Variants in SMOC2 observed in about 807,000 individuals in gnomAD.
SMOC2 encodes SPARC related modular calcium binding 2.
In SMOC2, 39 loss-of-function variants were observed where a neutral mutation model predicts 61.4. The observed-to-expected ratio is 0.64, with a 90% CI of 0.49 to 0.83. SMOC2 has a LOEUF of 0.83. SMOC2 is among the 40% of genes least tolerant of loss of function. The probability of loss-of-function intolerance (pLI) is 0.00; values close to 1 mark genes in which losing one functional copy is unlikely to be tolerated. For synonymous variants in SMOC2, 247 were observed against 239.9 expected (o/e 1.03, Z -0.27); for missense variants, 556 against 592.9 (o/e 0.94, Z 0.65).
intron 7 of SMOC2, among the ~76,000 whole-genome samples, chr6:168,595,178 C>T (rs1785290799): frequency 7.3e-6 from 1 of 137,838 alleles, no homozygotes; most frequent in Non-Finnish European, 1.6e-5. Context: ...AGCTCCTCCT[C>T]CTTCCTGAGG....
chr6:168,470,818 A>G (rs967442010), intron 1 of SMOC2, among the ~76,000 whole-genome samples: 4 of 152,326 alleles, frequency 2.6e-5, no homozygotes, highest in Admixed American at 2.6e-4. Context: ...TGGAATAGAA[A>G]TTTGTTTCTT....
chr6:168,452,664 A>G lies in SMOC2; in HGVS notation c.84+11210A>G, dbSNP rs1290455640. Among the ~76,000 whole-genome samples, 2 of 152,218 alleles carry G rather than the reference A, an allele frequency of 1.3e-5. No homozygotes were observed. The highest frequency in any genetic ancestry group is 2.9e-5 in the Non-Finnish European group (2 of 68,030). ...GCATTTTTTTGTACCCCAAAATCTG[A>G]AGGAAATTTTGAAAAATCATTAGCA... On this transcript the variant is annotated intron_variant, in intron 1 of 12. Coordinates refer to ENST00000356284, the MANE Select transcript of SMOC2 (RefSeq NM_001166412.2). This position sits in a 1 kb window ranked among gnomAD's most constrained non-coding sequence, Gnocchi z 5.0.
chr6:168,548,351 C>CTTTTT (rs758386557), intron 6 of SMOC2, among the ~76,000 whole-genome samples: 1 of 127,174 alleles, frequency 7.9e-6, no homozygotes, highest in African/African-American at 3.1e-5. Flanking sequence ...CACTACATTC[C>CTTTTT]TTTTTTTTTT....
intron 1 of SMOC2, among the ~76,000 whole-genome samples, chr6:168,467,284 G>A (rs1402094402): frequency 6.6e-6 from 1 of 150,552 alleles, no homozygotes; most frequent in Non-Finnish European, 1.5e-5. Flanking sequence ...ACACTTGGGG[G>A]ACATGCACCA....
intron 6 of SMOC2, among the ~76,000 whole-genome samples, chr6:168,548,623 C>T (rs1784062638): frequency 6.6e-6 from 1 of 151,974 alleles, no homozygotes; most frequent in South Asian, 2.1e-4. Flanking sequence ...GCCTTGGCCT[C>T]CCAAAGCGCT....
chr6:168,609,903 T>C (rs966175015), intron 9 of SMOC2, among the ~76,000 whole-genome samples: 1 of 152,224 alleles, frequency 6.6e-6, no homozygotes, highest in Non-Finnish European at 1.5e-5. Flanking sequence ...GTGCAATTTA[T>C]GGAAGTCAGT....
chr6:168,491,211 C>T (rs1159204008), intron 1 of SMOC2, among the ~76,000 whole-genome samples: 1 of 152,162 alleles, frequency 6.6e-6, no homozygotes, highest in Non-Finnish European at 1.5e-5. Flanking sequence ...TGATCTTGGT[C>T]TTGTGGAAGC....
Position 168,608,215 on chromosome 6 carries a change from C to G in SMOC2, c.883C>G (p.Leu295Val), listed in dbSNP as rs750071592. The stretch of plus-strand genomic sequence containing the variant: ...GGCCCACCCAGCCAAAGCCCGGGAC[C>G]TGTACAAGGGCCGCCAGCTACAAGG... The part of the protein sequence containing the change: ...ARAHPAKARD[L>V]YKGRQLQGCP... The change falls in exon 9 of 13, where the codon CTG becomes GTG. Residue 295 changes from leucine to valine, a missense_variant. Physicochemically the swap from Leu to Val is conservative, Grantham distance 32. Transcript: ENST00000356284. The G allele has an allele frequency of 5.6e-6, 9 of 1,613,346 alleles. No homozygotes were observed. Among genetic ancestry groups the G allele is most frequent in the Non-Finnish European group, 7.6e-6 (9 of 1,179,768 alleles).
chr6:168,612,219 G>T (rs1023509766), intron 9 of SMOC2, among the ~76,000 whole-genome samples: 1 of 148,706 alleles, frequency 6.7e-6, no homozygotes, highest in African/African-American at 2.5e-5. Context: ...TCTCCATCGG[G>T]GAGAGGGTGA....
rs767260073 is a variant in SMOC2 at position 168,664,105 on chromosome 6, T to C, written c.1317T>C (p.Asn439=). 3.7e-6 allele frequency: 6 copies of C among 1,603,562 alleles called. No homozygotes were observed. The highest frequency in any genetic ancestry group is 1.1e-5 in the South Asian group (1 of 90,620). The change falls in exon 12 of 13, where the codon AAT becomes AAC. Residue 439 remains asparagine (N), a synonymous_variant. Coordinates refer to ENST00000356284, the MANE Select transcript of SMOC2 (RefSeq NM_001166412.2). ...GAGGTCATGCTGAAAGTACGTCTAA[T>C]AGACAGGTAAGTATGTTTATATTTT... The part of the protein sequence containing the change: ...TPRGHAESTS[N]RQPRKQG
chr6:168,547,298 A>G (rs1396989753), intron 6 of SMOC2, 129 bp downstream of exon 6: 5 of 732,508 alleles, frequency 6.8e-6, no homozygotes, highest in Non-Finnish European at 1.2e-5. Flanking sequence ...CCAGACACAG[A>G]CAGAAAAGAC....
At chr6:168,640,189 G>A (rs1396894159) in intron 9 of SMOC2, among the ~76,000 whole-genome samples, 1 of 139,080 alleles carries the variant, frequency 7.2e-6, no homozygotes, top group East Asian at 1.9e-4. Context: ...TGGTGTTGGT[G>A]TTGGTGTTGG....
At chr6:168,489,645 A>G (rs1239871685) in intron 1 of SMOC2, among the ~76,000 whole-genome samples, 1 of 150,028 alleles carries the variant, frequency 6.7e-6, no homozygotes, top group Admixed American at 6.6e-5. Context: ...AGAATGAAAT[A>G]TATCAAATCG....
At chr6:168,600,736 G>A (rs1785531063) in intron 8 of SMOC2, among the ~76,000 whole-genome samples, 1 of 152,184 alleles carries the variant, frequency 6.6e-6, no homozygotes, top group Admixed American at 6.5e-5. Flanking sequence ...GGCTTTTTAT[G>A]GTATTCACAT....
chr6:168,490,695 C>T lies in SMOC2; in HGVS notation c.85-19220C>T, dbSNP rs544491299. Among the ~76,000 whole-genome samples the T allele has an allele frequency of 1.6e-4, 24 of 152,312 alleles. No individual in the cohort carries two copies. In the South Asian group the frequency reaches 5.0e-3, roughly 32 times the overall value. ...TGTTTAGAGACAGCAGGTCAGTGCACCTGCCATGATGCCAGGGCTCAGGGC... is the reference window on the plus strand; with the variant it reads ...TGTTTAGAGACAGCAGGTCAGTGCATCTGCCATGATGCCAGGGCTCAGGGC... On this transcript the variant is annotated intron_variant, in intron 1 of 12. Coordinates refer to ENST00000356284, the MANE Select transcript of SMOC2 (RefSeq NM_001166412.2).
At position 168,470,688 on chromosome 6, in the gene SMOC2, AT is replaced by A. The variant is rs1781950798; in HGVS notation, c.84+29236del. 1.3e-5 allele frequency among the ~76,000 whole-genome samples: 2 copies of A among 152,166 alleles called. 1 individual carries two copies. The highest frequency in any genetic ancestry group is 4.1e-4 in the South Asian group (2 of 4,826). On this transcript the variant is annotated intron_variant, in intron 1 of 12. Coordinates refer to ENST00000356284, the MANE Select transcript of SMOC2 (RefSeq NM_001166412.2). ...CAGGACTCCATCTGAAAAAAGTAAA[AT>A]TAAATAAATAAAAATTAAATTAAAT...
chr6:168,455,662 C>G (rs992892255), intron 1 of SMOC2, among the ~76,000 whole-genome samples: 3 of 152,172 alleles, frequency 2.0e-5, no homozygotes, highest in African/African-American at 4.8e-5. Flanking sequence ...ATTATTATCT[C>G]TGGGGTGTCA....
intron 4 of SMOC2, among the ~76,000 whole-genome samples, chr6:168,537,828 G>A (rs1783769040): frequency 6.6e-6 from 1 of 150,672 alleles, no homozygotes; most frequent in Middle Eastern, 3.4e-3. Context: ...CAGCACGAAG[G>A]GGAAAGGGCC....
chr6:168,565,676 C>T (rs774822437), intron 7 of SMOC2, among the ~76,000 whole-genome samples: 8 of 152,148 alleles, frequency 5.3e-5, no homozygotes, highest in South Asian at 2.1e-4. Flanking sequence ...GAAAACAAAG[C>T]GTATCAATAA....
Sources: gnomAD v4.1 joint callset for allele counts (sites outside exome capture counted in the v4.1 genomes callset) on GRCh38, gnomAD v4.1.1 for gene constraint, Gnocchi (gnomAD v3.1) non-coding constraint, MANE v1.5 for transcripts, NCBI Gene and HGNC (gene_info 2026-07-23, HGNC 2026-07-21) for gene names.